The following HPGDS variants were observed in gnomAD, a reference collection of about 807,000 sequenced individuals.
HPGDS encodes the protein hematopoietic prostaglandin D synthase, also known as GST class-sigma.
In HPGDS, 26 loss-of-function variants were observed where a neutral mutation model predicts 23.1. The ratio of observed to expected loss-of-function variants is 1.13; its 90% CI spans 0.83 to 1.56. HPGDS has a LOEUF of 1.56. HPGDS is among the 40% of genes most tolerant of loss of function. HPGDS has a pLI of 0.00. For missense variants in HPGDS, 268 were observed against 236.4 expected, an observed-to-expected ratio of 1.13 and a Z score of -0.88; for synonymous variants, 95 against 77.9, an observed-to-expected ratio of 1.22 and a Z score of -1.16.
chr4:94,321,360 G>T (rs1756505567), intron 2 of HPGDS, among the ~76,000 whole-genome samples: 1 of 152,160 alleles, frequency 6.6e-6, no homozygotes, highest in Non-Finnish European at 1.5e-5. Context: ...GGGCAGTATG[G>T]CCATTTTCAC....
At position 94,299,490 on chromosome 4, in the gene HPGDS, G is replaced by C. The variant is rs765481546; in HGVS notation, c.590C>G (p.Thr197Ser). The C allele has an allele frequency of 3.1e-6, 5 of 1,611,968 alleles. No individual in the cohort carries two copies. The highest frequency in any genetic ancestry group is 4.2e-6 in the Non-Finnish European group (5 of 1,178,798). The change falls in exon 6 of 6, where the codon ACC becomes AGC. Residue 197 changes from threonine to serine, a missense_variant. Transcript: ENST00000295256. ...GGCAACATGGATCAGCTAGAGTTTG[G>C]TTTGGGGCCTTCGTTTTATCCAGTT... is the stretch of plus-strand genomic sequence containing the variant. The part of the protein sequence containing the change: ...VANWIKRRPQ[T>S]KL
At chr4:94,325,393 G>T (rs1040887643) in intron 2 of HPGDS, among the ~76,000 whole-genome samples, 2 of 152,196 alleles carry the variant, frequency 1.3e-5, no homozygotes, top group African/African-American at 4.8e-5. Flanking sequence ...CAGAGGTGGA[G>T]TCTACAGAGG....
chr4:94,336,381 T>A (rs900390768), intron 1 of HPGDS, among the ~76,000 whole-genome samples: 1 of 152,112 alleles, frequency 6.6e-6, no homozygotes, highest in Non-Finnish European at 1.5e-5. Flanking sequence ...GTTCAGGAAG[T>A]GACGGTGATG....
At chr4:94,304,259 T>C (rs1421032068) in intron 4 of HPGDS, among the ~76,000 whole-genome samples, 1 of 152,124 alleles carries the variant, frequency 6.6e-6, no homozygotes, top group Non-Finnish European at 1.5e-5. Flanking sequence ...AACCACGACA[T>C]CAGAATGTCC....
chr4:94,322,869 A>C (rs575279061), intron 2 of HPGDS, among the ~76,000 whole-genome samples: 11 of 152,278 alleles, frequency 7.2e-5, no homozygotes, highest in African/African-American at 2.6e-4. Flanking sequence ...TGTCAATTTC[A>C]GATCTTTTCT....
intron 3 of HPGDS, among the ~76,000 whole-genome samples, chr4:94,311,131 CT>C (rs1177920752): frequency 6.6e-6 from 1 of 152,048 alleles, no homozygotes; most frequent in African/African-American, 2.4e-5. Flanking sequence ...CATTTATTTC[CT>C]TCTCTTGCCT....
rs1756432708 is a variant in HPGDS at position 94,318,101 on chromosome 4, C to G, written c.134-136G>C. 4 of 638,052 alleles carry G rather than the reference C, an allele frequency of 6.3e-6. No individual in the cohort carries two copies. The Admixed American group carries it at 1.2e-4, about 18-fold the overall frequency. The allele number at this position is 638,052 out of a possible 1,614,324, so 39.5% of individuals were successfully genotyped here. A position where few individuals can be genotyped will look rare whatever the true frequency, so the allele number is the denominator to read the frequency against. On this transcript the variant is annotated intron_variant, in intron 2 of 5. Coordinates refer to ENST00000295256, the MANE Select transcript of HPGDS (RefSeq NM_014485.3). ...ATTCTTAAATATTTTTAAAGGAACA[C>G]TTGACAACTTGTAGTGGAATATTTA... is the stretch of plus-strand genomic sequence containing the variant.
chr4:94,316,286 C>G (rs149545165), intron 3 of HPGDS, among the ~76,000 whole-genome samples: 3 of 152,138 alleles, frequency 2.0e-5, no homozygotes, highest in Non-Finnish European at 4.4e-5. Flanking sequence ...ATATTGAGAA[C>G]GGCAAACTCT....
chr4:94,321,194 C>T (rs1008139742), intron 2 of HPGDS, among the ~76,000 whole-genome samples: 11 of 152,128 alleles, frequency 7.2e-5, no homozygotes, highest in Admixed American at 5.2e-4. Flanking sequence ...AGTCAGGTAG[C>T]ATGATGTCTC....
intron 1 of HPGDS, among the ~76,000 whole-genome samples, chr4:94,337,689 A>C (rs1239906765): frequency 2.3e-4 from 35 of 152,148 alleles, no homozygotes; most frequent in Admixed American, 2.3e-3. Context: ...AAAGAAAAAA[A>C]AGTTAACAGC....
intron 4 of HPGDS, 21 bp downstream of exon 4, chr4:94,308,613 A>G (rs745798923): frequency 2.3e-5 from 30 of 1,305,936 alleles, no homozygotes; most frequent in Admixed American, 1.0e-4. Context: ...AATACTAGGA[A>G]TAGCAAATGG....
At chr4:94,315,110 G>A (rs559337189) in intron 3 of HPGDS, among the ~76,000 whole-genome samples, 2 of 152,290 alleles carry the variant, frequency 1.3e-5, no homozygotes, top group African/African-American at 4.8e-5. Flanking sequence ...GCCTCACCCT[G>A]TTTCAGCTCA....
At chr4:94,322,345 TC>T (rs1044195295) in intron 2 of HPGDS, among the ~76,000 whole-genome samples, 42 of 152,342 alleles carry the variant, frequency 2.8e-4, no homozygotes, top group African/African-American at 1.0e-3. Flanking sequence ...TGGTACCAGC[TC>T]CTCCTTGTAT....
At chr4:94,320,538 C>T (rs1756482146) in intron 2 of HPGDS, among the ~76,000 whole-genome samples, 1 of 152,138 alleles carries the variant, frequency 6.6e-6, no homozygotes, top group South Asian at 2.1e-4. Context: ...TTTCATGTGT[C>T]TGTTGACTGC....
intron 3 of HPGDS, among the ~76,000 whole-genome samples, chr4:94,309,499 T>C (rs1756215274): frequency 6.6e-6 from 1 of 152,254 alleles, no homozygotes; most frequent in East Asian, 1.9e-4. Context: ...ATGGTGTATA[T>C]GTGCCACATT....
At chr4:94,319,355 G>C (rs1414581414) in intron 2 of HPGDS, among the ~76,000 whole-genome samples, 1 of 152,038 alleles carries the variant, frequency 6.6e-6, no homozygotes, top group Non-Finnish European at 1.5e-5. Flanking sequence ...TTTGGTTCCT[G>C]TTTTTATGGA....
chr4:94,311,568 A>T (rs1176312201), intron 3 of HPGDS, among the ~76,000 whole-genome samples: 1 of 151,304 alleles, frequency 6.6e-6, no homozygotes, highest in African/African-American at 2.5e-5. Context: ...TTTCCAATCG[A>T]TGTTCATCAA....
chr4:94,309,335 G>T (rs1756211962), intron 3 of HPGDS, among the ~76,000 whole-genome samples: 1 of 135,712 alleles, frequency 7.4e-6, no homozygotes, highest in Admixed American at 8.6e-5. Context: ...GTGTTCTCAT[G>T]GTTCAATTCC....
rs539342760 is a variant in HPGDS at position 94,320,180 on chromosome 4, G to C, written c.134-2215C>G. Among the ~76,000 whole-genome samples, 30 of 152,260 alleles carry C rather than the reference G, an allele frequency of 2.0e-4. 1 individual carries two copies. In the South Asian group the frequency reaches 4.8e-3, roughly 24 times the overall value. On this transcript the variant is annotated intron_variant, in intron 2 of 5. Transcript: ENST00000295256. Reference sequence around the variant, plus strand: ...CTAACACTGATGGACATTTGGGTTGGTTCCAAGTCTTTACTATTGTTAATA... The same window carrying C: ...CTAACACTGATGGACATTTGGGTTGCTTCCAAGTCTTTACTATTGTTAATA...
Sources: allele counts gnomAD v4.1 joint callset (sites outside exome capture counted in the v4.1 genomes callset), GRCh38; gene constraint gnomAD v4.1.1; transcripts MANE v1.5; gene names NCBI Gene and HGNC (gene_info 2026-07-23, HGNC 2026-07-21).